The following TACR1 variants were observed in gnomAD, a reference collection of about 807,000 sequenced individuals.
TACR1 encodes tachykinin receptor 1, also known as substance-P receptor.
In TACR1, 25 loss-of-function variants were observed where a neutral mutation model predicts 35.8. The ratio of observed to expected loss-of-function variants is 0.70; its 90% confidence interval spans 0.51 to 0.98. TACR1 has a LOEUF of 0.98. Among genes scored for constraint, TACR1 ranks in the 50% least tolerant of loss-of-function variants. TACR1 has a pLI of 0.00. For synonymous variants in TACR1, 195 were observed against 206.7 expected (o/e 0.94, Z 0.48); for missense variants, 478 against 522.9 (o/e 0.91, Z 0.84).
In TACR1 at chr2:75,198,632, G is replaced by A. The variant is rs1203363782; in HGVS notation, c.303C>T (p.Gly101=). 1 of 1,614,088 alleles carries A rather than the reference G, an allele frequency of 6.2e-7. No homozygotes were observed. Residue 101 remains glycine, a synonymous_variant, in exon 1 of 5, where the codon GGC becomes GGT. Transcript: ENST00000305249. The part of the protein sequence containing the change: ...TYAVHNEWYY[G]LFYCKFHNFF... ...AGTTGTGGAACTTGCAGTAGAACAG[G>A]CCGTAGTACCATTCGTTGTGGACAG...
intron 1 of TACR1, among the ~76,000 whole-genome samples, chr2:75,168,706 G>A (rs1463405294): frequency 1.3e-5 from 2 of 152,174 alleles, no homozygotes; most frequent in Non-Finnish European, 2.9e-5. Context: ...TGTTACAGTA[G>A]CAATGGAAAA....
intron 2 of TACR1, among the ~76,000 whole-genome samples, chr2:75,100,488 C>T (rs1673516060): frequency 6.6e-6 from 1 of 152,158 alleles, no homozygotes; most frequent in African/African-American, 2.4e-5. Context: ...ATATGACTAA[C>T]TCATATCTAA....
intron 2 of TACR1, among the ~76,000 whole-genome samples, chr2:75,062,584 T>G (rs1479170188): frequency 6.6e-6 from 1 of 152,238 alleles, no homozygotes; most frequent in African/African-American, 2.4e-5. Flanking sequence ...TTGAGTTATT[T>G]ACAATGATCT....
chr2:75,129,621 G>A lies in TACR1; in HGVS notation c.390-8853C>T, dbSNP rs534922673. Among the ~76,000 whole-genome samples, 5 of 152,214 alleles carry A rather than the reference G, an allele frequency of 3.3e-5. No individual in the cohort carries two copies. The East Asian group carries it at 5.8e-4, about 18-fold the overall frequency. On this transcript the variant is annotated intron_variant, in intron 1 of 4. Coordinates refer to ENST00000305249, the MANE Select transcript of TACR1 (RefSeq NM_001058.4). The stretch of plus-strand genomic sequence containing the variant: ...CCTCACAACTATGTACAATTATTAC[G>A]TGTCAATTAAAACAAATAAACAATT...
intron 2 of TACR1, among the ~76,000 whole-genome samples, chr2:75,075,823 T>C (rs1672964790): frequency 6.6e-6 from 1 of 152,238 alleles, no homozygotes. Context: ...GAAGTAAATA[T>C]GTTAACATCA....
At chr2:75,101,173 A>G (rs12998901) in intron 2 of TACR1, among the ~76,000 whole-genome samples, 88,566 of 151,890 alleles carry the variant, frequency 0.58, 26,378 homozygotes, top group African/African-American at 0.68. Flanking sequence ...AAAGATAAGA[A>G]TATAATAGAA....
chr2:75,198,398 A>T, intron 1 of TACR1, 148 bp downstream of exon 1: 1 of 882,660 alleles, frequency 1.1e-6, no homozygotes, highest in Non-Finnish European at 1.7e-6. Flanking sequence ...GAAGTTCCCC[A>T]TCAACAAATG....
At chr2:75,142,399 A>G (rs1263533354) in intron 1 of TACR1, among the ~76,000 whole-genome samples, 3 of 152,220 alleles carry the variant, frequency 2.0e-5, no homozygotes, top group Admixed American at 1.3e-4. Context: ...AAACAAGTCT[A>G]GTGTATGTTG....
chr2:75,092,903 G>A (rs1408767842), intron 2 of TACR1, among the ~76,000 whole-genome samples: 1 of 152,096 alleles, frequency 6.6e-6, no homozygotes, highest in South Asian at 2.1e-4. Context: ...GCAAAGATAC[G>A]GAGAAATGGA....
At chr2:75,174,233 T>C (rs1027510323) in intron 1 of TACR1, among the ~76,000 whole-genome samples, 4 of 152,240 alleles carry the variant, frequency 2.6e-5, no homozygotes, top group Non-Finnish European at 4.4e-5. Context: ...TATTTTCTAC[T>C]GAAAGCACTT....
At chr2:75,051,633 TGTTCTCAGA>T (rs1401712355) in intron 3 of TACR1, among the ~76,000 whole-genome samples, 186 bp from the exon 4 acceptor site, 1 of 152,228 alleles carries the variant, frequency 6.6e-6, no homozygotes, top group African/African-American at 2.4e-5. Flanking sequence ...TTATGTCAGC[TGTTCTCAGA>T]GTGTGGTCCC....
intron 2 of TACR1, among the ~76,000 whole-genome samples, chr2:75,071,194 A>T (rs1024520588): frequency 2.6e-5 from 4 of 152,174 alleles, no homozygotes; most frequent in African/African-American, 9.7e-5. Flanking sequence ...AAATGTGTTG[A>T]TCCCTGCTGT....
chr2:75,140,284 T>C (rs1470509643), intron 1 of TACR1, among the ~76,000 whole-genome samples: 2 of 152,054 alleles, frequency 1.3e-5, no homozygotes, highest in African/African-American at 4.8e-5. Context: ...GGCAAGGGGC[T>C]AATGAAAATG....
intron 1 of TACR1, among the ~76,000 whole-genome samples, chr2:75,153,214 A>T (rs1480671205): frequency 1.3e-5 from 2 of 152,196 alleles, no homozygotes; most frequent in East Asian, 3.9e-4. Context: ...ACTTCTTATA[A>T]GAGTTCTTTT....
At chr2:75,123,688 C>A (rs577388207) in intron 1 of TACR1, among the ~76,000 whole-genome samples, 6 of 152,090 alleles carry the variant, frequency 3.9e-5, no homozygotes, top group African/African-American at 1.4e-4. Flanking sequence ...AATCTCCCTC[C>A]CTCCTTCCTT....
intron 1 of TACR1, chr2:75,156,059 A>G (rs1394218114): frequency 6.6e-6 from 1 of 152,276 alleles, no homozygotes; most frequent in Non-Finnish European, 1.5e-5. Flanking sequence ...ATCCTGGAAC[A>G]CAGTCACACT....
At chr2:75,195,203 T>C (rs1236737736) in intron 1 of TACR1, among the ~76,000 whole-genome samples, 1 of 152,360 alleles carries the variant, frequency 6.6e-6, no homozygotes, top group Admixed American at 6.5e-5. Context: ...CTGGTATTTG[T>C]TGGAGTTTAG....
At chr2:75,065,366 T>C (rs1672742840) in intron 2 of TACR1, among the ~76,000 whole-genome samples, 1 of 152,218 alleles carries the variant, frequency 6.6e-6, no homozygotes, top group South Asian at 2.1e-4. Context: ...TGCAACCCTA[T>C]TGAGGACAAG....
intron 2 of TACR1, among the ~76,000 whole-genome samples, chr2:75,111,771 T>G (rs1011600555): frequency 1.3e-5 from 2 of 152,012 alleles, no homozygotes; most frequent in Non-Finnish European, 1.5e-5. Flanking sequence ...TTACACTTTC[T>G]TAGATGGCAT....
Sources: gnomAD v4.1 joint callset for allele counts (sites outside exome capture counted in the v4.1 genomes callset) on GRCh38, gnomAD v4.1.1 for gene constraint, MANE v1.5 for transcripts, NCBI Gene and HGNC (gene_info 2026-07-23, HGNC 2026-07-21) for gene names.